The following C4orf54 variants were observed in gnomAD, a reference collection of about 807,000 sequenced individuals.
C4orf54 encodes the protein uncharacterized protein C4orf54.
A neutral mutation model predicts 80.1 loss-of-function variants in C4orf54; 67 were observed. That is an observed-to-expected ratio of 0.84 (90% CI 0.69 to 1.03). The LOEUF (loss-of-function observed/expected upper bound fraction) is 1.03. C4orf54 is among the 50% of genes least tolerant of loss of function. The pLI is 0.00. For missense variants in C4orf54, 2,434 were observed against 2,253.5 expected, an observed-to-expected ratio of 1.08 and a Z score of -1.62; for synonymous variants, 1,000 against 917.0, an observed-to-expected ratio of 1.09 and a Z score of -1.64.
In C4orf54 at chr4:99,651,836, C is replaced by A. The variant is rs772764932; in HGVS notation, c.2813G>T (p.Arg938Leu). 14 of 1,536,008 alleles carry A rather than the reference C, an allele frequency of 9.1e-6. No homozygotes were observed. The Admixed American group carries it at 1.2e-4, about 13-fold the overall frequency. Residue 938 changes from arginine (R) to leucine (L), a missense_variant, in exon 2 of 3, where the codon CGT becomes CTT. Coordinates refer to ENST00000511828, the MANE Select transcript of C4orf54 (RefSeq NM_001354435.2). ...TGACCGGAACGCACTGTTCTGACTA[C>A]GGAGGAAGATGCCCTTGACGGTCTC... ...ASETVKGIFL[R>L]SQNSAFRSWK...
In C4orf54 at chr4:99,651,016, G is replaced by T. The variant is rs763827970; in HGVS notation, c.3633C>A (p.Pro1211=). Residue 1211 remains proline, a synonymous_variant, in exon 2 of 3, where the codon CCC becomes CCA. Transcript: ENST00000511828. ...GCACAGGCAGGTATGAGCCCTGCTC[G>T]GGCTTATTGGGGGCAATGGTAGCCA... is the stretch of plus-strand genomic sequence containing the variant. The part of the protein sequence containing the change: ...LPVATIAPNK[P]EQGSYLPVLK... 41 of 1,535,938 alleles carry T rather than the reference G, an allele frequency of 2.7e-5. No homozygotes were observed. The highest frequency in any genetic ancestry group is 3.4e-5 in the Non-Finnish European group (39 of 1,146,916).
Position 99,650,527 on chromosome 4 carries a change from T to G in C4orf54, c.4122A>C (p.Pro1374=), listed in dbSNP as rs1427647734. The G allele has an allele frequency of 6.5e-7, 1 of 1,536,024 alleles. No homozygotes were observed. The highest frequency in any genetic ancestry group is 2.4e-5 in the East Asian group (1 of 40,888). The part of the protein sequence containing the change: ...RERPRSLYIP[P]VHKDVERTQP... ...GGGTTCTCTCTACATCCTTGTGGAC[T>G]GGGGGAATATAGAGAGATCGGGGTC... The change falls in exon 2 of 3, where the codon CCA becomes CCC. Residue 1374 remains proline, a synonymous_variant. Coordinates refer to ENST00000511828, the MANE Select transcript of C4orf54 (RefSeq NM_001354435.2).
At position 99,653,182 on chromosome 4, in the gene C4orf54, G is replaced by C. The variant is rs1726891387; in HGVS notation, c.1467C>G (p.Pro489=). ...GGGTCTCAGGCAAGGGCTCAGTCAG[G>C]GGGGCAGTGCCAGGCCCAGTGGGTG... The part of the protein sequence containing the change: ...TPPPTGPGTA[P]LTEPLPETPE... The change falls in exon 2 of 3, where the codon CCC becomes CCG. Residue 489 remains proline, a synonymous_variant. Coordinates refer to ENST00000511828, the MANE Select transcript of C4orf54 (RefSeq NM_001354435.2). 1 of 1,536,044 alleles carries C rather than the reference G, an allele frequency of 6.5e-7. No homozygotes were observed. The highest frequency in any genetic ancestry group is 8.7e-7 in the Non-Finnish European group (1 of 1,146,858).
chr4:99,653,757 T>C lies in C4orf54; in HGVS notation c.892A>G (p.Thr298Ala), dbSNP rs1239170361. Reference sequence around the variant, plus strand: ...TCGAAGCCTAAGGATGAAGAGGAGGTGGCCAGAGCCCCTGTGGATGTGGTG... The same window carrying C: ...TCGAAGCCTAAGGATGAAGAGGAGGCGGCCAGAGCCCCTGTGGATGTGGTG... ...DSTTSTGALA[T>A]SSSSLGFESE... Residue 298 changes from threonine (T) to alanine (A), a missense_variant, in exon 2 of 3, where the codon ACC becomes GCC. Transcript: ENST00000511828. 4 of 1,535,658 alleles carry C rather than the reference T, an allele frequency of 2.6e-6. No homozygotes were observed. The South Asian group carries it at 4.8e-5, about 18-fold the overall frequency.
rs1315469215 is a variant in C4orf54, at chr4:99,640,853, G to A, written c.*380C>T. 2.0e-5 allele frequency: 3 copies of A among 152,168 alleles called. No individual in the cohort carries two copies. Among genetic ancestry groups the A allele is most frequent in the Non-Finnish European group, 1.5e-5 (1 of 68,018 alleles). The allele number at this position is 152,168 out of a possible 1,614,324, so 9.4% of individuals were successfully genotyped here. On this transcript the variant is annotated 3_prime_UTR_variant, in exon 3 of 3. Transcript: ENST00000511828. ...TTTACAACAGAATCAATCCCATTCT[G>A]TGGTATGTTTTGACTGAACAATGGG...
At chr4:99,647,195 A>G (rs1726713993) in intron 2 of C4orf54, among the ~76,000 whole-genome samples, 1 of 152,222 alleles carries the variant, frequency 6.6e-6, no homozygotes, top group Admixed American at 6.5e-5. Context: ...CTCTAGACTC[A>G]ACAGACAGGG....
rs1386888150 is a variant in C4orf54 at position 99,650,829 on chromosome 4, C to T, written c.3820G>A (p.Glu1274Lys). 3.3e-6 allele frequency: 5 copies of T among 1,536,078 alleles called. No homozygotes were observed. The highest frequency in any genetic ancestry group is 2.7e-5 in the African/African-American group (2 of 73,054). The change falls in exon 2 of 3, where the codon GAG (glutamate) becomes AAG (lysine). Residue 1274 changes from glutamate to lysine, a missense_variant. Physicochemically the swap from Glu to Lys is moderately conservative, Grantham distance 56. Transcript: ENST00000511828. The part of the protein sequence containing the change: ...MEELYSFNRN[E>K]WKRKSDPLPM... ...AAGGGGTCGCTTTTGCGCTTCCACT[C>T]GTTCCTGTTGAAGCTGTACAGCTCT... is the stretch of plus-strand genomic sequence containing the variant.
In C4orf54 at chr4:99,651,721, G is replaced by A. The variant is rs1256058685; in HGVS notation, c.2928C>T (p.Leu976=). ...TGTTCTTGCTGGCAGAAATCTCCCC[G>A]AGATCAGCCCGCCAGTCGCCTCCTT... is the stretch of plus-strand genomic sequence containing the variant. ...LPKGGDWRAD[L]GEISASKNTI... Residue 976 remains leucine (L), a synonymous_variant, in exon 2 of 3, where the codon CTC becomes CTT. Coordinates refer to ENST00000511828, the MANE Select transcript of C4orf54 (RefSeq NM_001354435.2). The A allele has an allele frequency of 9.8e-6, 15 of 1,536,066 alleles. No individual in the cohort carries two copies. In the East Asian group the frequency reaches 3.7e-4, roughly 38 times the overall value.
Position 99,654,383 on chromosome 4 carries a change from A to G in C4orf54, c.266T>C (p.Val89Ala). 1 of 961,968 alleles carries G rather than the reference A, an allele frequency of 1.0e-6. No individual in the cohort carries two copies. The highest frequency in any genetic ancestry group is 1.6e-6 in the Non-Finnish European group (1 of 622,918). 59.6% of individuals were successfully genotyped at this position (961,968 alleles called of 1,614,324 possible). ...APPQGLKNWE[V>A]VAAVAAVPTA... is the part of the protein sequence containing the mutation. ...AGGCACTGCTGCCACTGCTGCCACC[A>G]CCTCCCAGTTCTTCAGCCCCTGTGG... Residue 89 changes from valine to alanine, a missense_variant, in exon 2 of 3, where the codon GTG (valine) becomes GCG (alanine). By Grantham distance (64) the Val-to-Ala change is moderately conservative. Transcript: ENST00000511828.
In C4orf54 at chr4:99,654,023, T is replaced by C. The variant is rs564928327; in HGVS notation, c.626A>G (p.Gln209Arg). 4 of 1,536,138 alleles carry C rather than the reference T, an allele frequency of 2.6e-6. No homozygotes were observed. The highest frequency in any genetic ancestry group is 3.5e-6 in the Non-Finnish European group (4 of 1,146,914). ...ASAEVQRESPQTMKLTLGHCP... is the reference protein window; with the variant it reads ...ASAEVQRESPRTMKLTLGHCP... ...GTGCCCCAGGGTAAGTTTCATGGTC[T>C]GGGGACTCTCCCTCTGGACTTCAGC... Residue 209 changes from glutamine (Q) to arginine (R), a missense_variant, in exon 2 of 3, where the codon CAG (glutamine) becomes CGG (arginine). Transcript: ENST00000511828.
At chr4:99,643,385 T>C (rs553238866) in intron 2 of C4orf54, among the ~76,000 whole-genome samples, 4 of 152,210 alleles carry the variant, frequency 2.6e-5, no homozygotes, top group Admixed American at 1.3e-4. Context: ...AGAATCTGAG[T>C]TGGGGTTGCC....
chr4:99,646,156 G>A (rs1378739605), intron 2 of C4orf54, among the ~76,000 whole-genome samples: 3 of 152,132 alleles, frequency 2.0e-5, no homozygotes, highest in Non-Finnish European at 2.9e-5. Context: ...GCTAAAAATA[G>A]ATGATGAAAT....
chr4:99,654,417 C>T lies in C4orf54; in HGVS notation c.232G>A (p.Ala78Thr), dbSNP rs201618923. 3.3e-3 allele frequency: 2,671 copies of T among 802,746 alleles called. 91 individuals are homozygous for T. In the Admixed American group the frequency reaches 0.047, roughly 14 times the overall value. The allele number at this position is 802,746 out of a possible 1,614,324, so 49.7% of individuals were successfully genotyped here. The change falls in exon 2 of 3, where the codon GCG becomes ACG. Residue 78 changes from alanine to threonine, a missense_variant. Physicochemically the swap from Ala to Thr is moderately conservative, Grantham distance 58. Transcript: ENST00000511828. ...TTCTTCAGCCCCTGTGGCGGGGCCGCAGCAAGCCTGAGGGAGGTGGGAAGG... is the reference window on the plus strand; with the variant it reads ...TTCTTCAGCCCCTGTGGCGGGGCCGTAGCAAGCCTGAGGGAGGTGGGAAGG... ...RSLPTSLRLA[A>T]APPQGLKNWE...
rs1726904735 is a variant in C4orf54 at position 99,653,578 on chromosome 4, C to G, written c.1071G>C (p.Arg357Ser). ...GAGCCTCTTCGACTTTGGGGGGGTC[C>G]CTGCTGCCCTGGGACTTGGCAATAA... ...RDIIAKSQGS[R>S]DPPKVEEAHY... The change falls in exon 2 of 3, where the codon AGG (arginine) becomes AGC (serine). Residue 357 changes from arginine to serine, a missense_variant. By Grantham distance (110) the Arg-to-Ser change is moderately radical (BLOSUM62 -1). Coordinates refer to ENST00000511828, the MANE Select transcript of C4orf54 (RefSeq NM_001354435.2). 1.0e-5 allele frequency: 16 copies of G among 1,535,828 alleles called. No individual in the cohort carries two copies. The highest frequency in any genetic ancestry group is 1.4e-5 in the Non-Finnish European group (16 of 1,146,852).
At position 99,651,283 on chromosome 4, in the gene C4orf54, G is replaced by A. The variant is rs1411777977; in HGVS notation, c.3366C>T (p.Gly1122=). The A allele has an allele frequency of 3.3e-6, 5 of 1,536,034 alleles. No individual in the cohort carries two copies. ...IKGSGDSSDK[G]SVTPEQGLTG... is the part of the protein sequence containing the mutation. ...TCAGCCCCTGCTCTGGGGTAACACT[G>A]CCCTTGTCACTACTATCCCCTGACC... The change falls in exon 2 of 3, where the codon GGC becomes GGT. Residue 1122 remains glycine, a synonymous_variant. Coordinates refer to ENST00000511828, the MANE Select transcript of C4orf54 (RefSeq NM_001354435.2).
At position 99,638,879 on chromosome 4, in the gene C4orf54, C is replaced by T. The variant is rs1181565595; in HGVS notation, c.*2354G>A. ...TTAATAGAACATTATTTAAAAGTTGCGTTTTTAGCCACTTGGACATCACTG... is the reference window on the plus strand; with the variant it reads ...TTAATAGAACATTATTTAAAAGTTGTGTTTTTAGCCACTTGGACATCACTG... On this transcript the variant is annotated 3_prime_UTR_variant, in exon 3 of 3. Coordinates refer to ENST00000511828, the MANE Select transcript of C4orf54 (RefSeq NM_001354435.2). 3.3e-5 allele frequency: 5 copies of T among 152,100 alleles called. No individual in the cohort carries two copies. Among genetic ancestry groups the T allele is most frequent in the Admixed American group, 6.6e-5 (1 of 15,262 alleles). 9.4% of individuals were successfully genotyped at this position (152,100 alleles called of 1,614,324 possible).
chr4:99,650,763 T>A lies in C4orf54; in HGVS notation c.3886A>T (p.Ser1296Cys). 1 of 1,536,106 alleles carries A rather than the reference T, an allele frequency of 6.5e-7. No individual in the cohort carries two copies. The highest frequency in any genetic ancestry group is 8.7e-7 in the Non-Finnish European group (1 of 1,146,894). ...MDSHVLSLIA[S>C]EEREGVVVAD... ...ACCACTACCCCTTCCCTCTCCTCAC[T>A]GGCAATGAGCGACAGCACGTGGCTG... The change falls in exon 2 of 3, where the codon AGT (serine) becomes TGT (cysteine). Residue 1296 changes from serine (S) to cysteine (C), a missense_variant. Coordinates refer to ENST00000511828, the MANE Select transcript of C4orf54 (RefSeq NM_001354435.2).
At position 99,653,613 on chromosome 4, in the gene C4orf54, ACT is replaced by A; in HGVS notation, c.1034_1035del (p.Glu345ValfsTer27). On this transcript the variant is annotated frameshift_variant, in exon 2 of 3. Coordinates refer to ENST00000511828, the MANE Select transcript of C4orf54 (RefSeq NM_001354435.2). LOFTEE classifies it high-confidence loss of function. ...TGGGACTTGGCAATAATGTCCCTGC[ACT>A]CTGTTCCATCTCCTGCCCCTCCTCC... Reference protein sequence around the residue: ...GGGGGAGDGTECRDIIAKSQG... With the variant: ...GGGGGAGDGTXCRDIIAKSQG... 1 of 1,534,458 alleles carries A rather than the reference ACT, an allele frequency of 6.5e-7. No individual in the cohort carries two copies.
Position 99,653,063 on chromosome 4 carries a change from G to C in C4orf54, c.1586C>G (p.Ala529Gly). The C allele has an allele frequency of 6.5e-7, 1 of 1,536,226 alleles. No homozygotes were observed. The highest frequency in any genetic ancestry group is 8.7e-7 in the Non-Finnish European group (1 of 1,146,910). ...ILLSIKPASR[A>G]INEPSNVRAK... ...ACGCACGTTGCTAGGCTCATTTATAGCCCGGGAAGCCGGTTTGATTGATAG... is the reference window on the plus strand; with the variant it reads ...ACGCACGTTGCTAGGCTCATTTATACCCCGGGAAGCCGGTTTGATTGATAG... The change falls in exon 2 of 3, where the codon GCT becomes GGT. Residue 529 changes from alanine to glycine, a missense_variant. Physicochemically the swap from Ala to Gly is moderately conservative, Grantham distance 60. Coordinates refer to ENST00000511828, the MANE Select transcript of C4orf54 (RefSeq NM_001354435.2).
Sources: allele counts gnomAD v4.1 joint callset (sites outside exome capture counted in the v4.1 genomes callset), GRCh38; gene constraint gnomAD v4.1.1; transcripts MANE v1.5; gene names NCBI Gene and HGNC (gene_info 2026-07-23, HGNC 2026-07-21).